Variants in CTNNA3 observed in about 807,000 individuals in gnomAD.
CTNNA3 encodes catenin alpha-3.
A neutral mutation model predicts 95.7 loss-of-function variants in CTNNA3; 76 were observed. That is an observed-to-expected ratio of 0.79 (90% CI 0.66 to 0.96). The LOEUF is 0.96. Among genes scored for constraint, CTNNA3 ranks in the 40% least tolerant of loss-of-function variants. The pLI is 0.00. For missense variants in CTNNA3, 1,191 were observed against 1,089.8 expected (o/e 1.09, Z -1.31); for synonymous variants, 431 against 374.4 (o/e 1.15, Z -1.74).
At chr10:67,009,645 A>G (rs1852203621) in intron 7 of CTNNA3, among the ~76,000 whole-genome samples, 1 of 151,836 alleles carries the variant, frequency 6.6e-6, no homozygotes, top group African/African-American at 2.4e-5. Context: ...ATTTTTTTAT[A>G]CAGCTCTTTG....
intron 15 of CTNNA3, among the ~76,000 whole-genome samples, chr10:66,041,002 A>G (rs2079675381): frequency 6.6e-6 from 1 of 152,200 alleles, no homozygotes; most frequent in South Asian, 2.1e-4. Context: ...GAAAAAGTGT[A>G]ACTTTACAGG....
Position 66,035,029 on chromosome 10 carries a change from T to A in CTNNA3, c.2159+34279A>T, listed in dbSNP as rs150431759. Among the ~76,000 whole-genome samples, 1,342 of 152,278 alleles carry A rather than the reference T, an allele frequency of 8.8e-3. 15 individuals carry two copies. Among genetic ancestry groups the A allele is most frequent in the African/African-American group, 0.03 (1,254 of 41,542 alleles). On this transcript the variant is annotated intron_variant, in intron 15 of 17. Coordinates refer to ENST00000433211, the MANE Select transcript of CTNNA3 (RefSeq NM_013266.4). ...CTCCACATTTGACCAGCGTGCAGTG[T>A]TTGGGGCATTCATTTTTATGTTTGA...
chr10:67,181,830 A>C (rs992570093), intron 6 of CTNNA3, among the ~76,000 whole-genome samples: 2 of 151,886 alleles, frequency 1.3e-5, no homozygotes, highest in Non-Finnish European at 2.9e-5. Flanking sequence ...ATATAGTTTT[A>C]AAACATTTTT....
chr10:67,727,601 ATATAT>A (rs1438525740), intron 1 of CTNNA3, among the ~76,000 whole-genome samples: 3 of 129,258 alleles, frequency 2.3e-5, no homozygotes, highest in African/African-American at 5.7e-5. Context: ...ATCATATATC[ATATAT>A]TATATATGCA....
chr10:66,253,880 G>A (rs1026812218), intron 13 of CTNNA3, among the ~76,000 whole-genome samples: 1 of 152,080 alleles, frequency 6.6e-6, no homozygotes, highest in African/African-American at 2.4e-5. Context: ...GGGACTATGC[G>A]GGCAACTATC....
chr10:66,053,420 C>T (rs980485718), intron 15 of CTNNA3, among the ~76,000 whole-genome samples: 1 of 151,834 alleles, frequency 6.6e-6, no homozygotes, highest in African/African-American at 2.4e-5. Context: ...GCATACATGA[C>T]ATATTTTCAT....
chr10:65,996,061 T>G (rs1298873198), intron 15 of CTNNA3, among the ~76,000 whole-genome samples: 2 of 152,148 alleles, frequency 1.3e-5, no homozygotes, highest in African/African-American at 4.8e-5. Flanking sequence ...CACGTGCAAG[T>G]ACACTGTGGG....
chr10:66,600,207 T>C (rs1027199806), intron 10 of CTNNA3, among the ~76,000 whole-genome samples: 3 of 151,892 alleles, frequency 2.0e-5, no homozygotes, highest in Non-Finnish European at 3.0e-5. Context: ...AGAAAAATGG[T>C]TTTTCATGAT....
intron 7 of CTNNA3, among the ~76,000 whole-genome samples, chr10:66,958,308 CAAAAAAAAAA>C (rs35076056): frequency 8.6e-4 from 75 of 86,890 alleles, no homozygotes; most frequent in South Asian, 4.4e-3. Flanking sequence ...TGCTTTCTTG[CAAAAAAAAAA>C]AAAAAAAAAA....
At chr10:66,827,058 T>C (rs1564708005) in intron 7 of CTNNA3, among the ~76,000 whole-genome samples, 1 of 152,156 alleles carries the variant, frequency 6.6e-6, no homozygotes, top group East Asian at 1.9e-4. Flanking sequence ...CAACCTTGGC[T>C]ATGGAGAACT....
In CTNNA3 at chr10:67,533,474, T is replaced by C. The variant is rs546318635; in HGVS notation, c.459+6029A>G. ...CCTATAAAAAATTTATAAACAATGG[T>C]GACAATAGAGCCAAAATACCTTTCC... On this transcript the variant is annotated intron_variant, in intron 4 of 17. Transcript: ENST00000433211. Among the ~76,000 whole-genome samples, 6 of 152,320 alleles carry C rather than the reference T, an allele frequency of 3.9e-5. No individual in the cohort carries two copies. In the South Asian group the frequency reaches 1.2e-3, roughly 32 times the overall value.
chr10:67,459,662 T>C (rs748295363), intron 5 of CTNNA3, among the ~76,000 whole-genome samples: 1 of 152,210 alleles, frequency 6.6e-6, no homozygotes, highest in Admixed American at 6.5e-5. Context: ...ACTTGTCTCA[T>C]GTCATGGAGC....
chr10:66,964,634 G>A (rs541224243), intron 7 of CTNNA3, among the ~76,000 whole-genome samples: 4 of 152,200 alleles, frequency 2.6e-5, no homozygotes, highest in East Asian at 3.9e-4. Flanking sequence ...GATTCACTTC[G>A]GAGGAACTGA....
At chr10:66,991,260 T>G (rs985107591) in intron 7 of CTNNA3, among the ~76,000 whole-genome samples, 7 of 152,174 alleles carry the variant, frequency 4.6e-5, no homozygotes, top group African/African-American at 1.7e-4. Context: ...GGAAGTTATT[T>G]AAATGATCTG....
intron 17 of CTNNA3, among the ~76,000 whole-genome samples, chr10:65,928,998 G>C (rs1487770958): frequency 6.6e-6 from 1 of 151,876 alleles, no homozygotes. Flanking sequence ...TTAACATTAG[G>C]TATATCTCCA....
rs145377425 is a variant in CTNNA3, at chr10:66,844,728, TG to T, written c.1048-69205del. 8.0e-3 allele frequency among the ~76,000 whole-genome samples: 1,215 copies of T among 152,272 alleles called. 25 individuals carry two copies. The highest frequency in any genetic ancestry group is 0.027 in the African/African-American group (1,123 of 41,550). ...TGCTGTTTCTTTTCATTACATTACA[TG>T]ACAGAGTTGATGATTTACAATGCAA... On this transcript the variant is annotated intron_variant, in intron 7 of 17. Transcript: ENST00000433211.
rs1392252298 is a variant in CTNNA3, at chr10:65,920,008, A to G, written c.*322T>C. The G allele has an allele frequency of 3.5e-6, 1 of 287,512 alleles. No individual in the cohort carries two copies. The highest frequency in any genetic ancestry group is 4.8e-5 in the Admixed American group (1 of 20,822). The allele number at this position is 287,512 out of a possible 1,614,324, so 17.8% of individuals were successfully genotyped here. A position where few individuals can be genotyped will look rare whatever the true frequency, so the allele number is the denominator to read the frequency against. On this transcript the variant is annotated 3_prime_UTR_variant, in exon 18 of 18. Coordinates refer to ENST00000433211, the MANE Select transcript of CTNNA3 (RefSeq NM_013266.4). ...AGTGTACATGAAGTATTACAGATAA[A>G]CAGGACTCTCTGGCCTCTCCTGTGT... is the stretch of plus-strand genomic sequence containing the variant.
chr10:66,195,136 G>A (rs2086885181), intron 13 of CTNNA3, among the ~76,000 whole-genome samples: 1 of 151,814 alleles, frequency 6.6e-6, no homozygotes, highest in Non-Finnish European at 1.5e-5. Context: ...CTGATAAATG[G>A]AGCCTACAGA....
In CTNNA3 at chr10:66,995,283, C is replaced by T. The variant is rs532892747; in HGVS notation, c.1047+185034G>A. Among the ~76,000 whole-genome samples the T allele has an allele frequency of 2.6e-5, 4 of 152,254 alleles. No individual in the cohort carries two copies. In the South Asian group the frequency reaches 6.2e-4, roughly 24 times the overall value. ...TGTCACTGAAGACACTTTTTCCTCT[C>T]TGTTACTTCTCATATCAAATTGGTT... On this transcript the variant is annotated intron_variant, in intron 7 of 17. Coordinates refer to ENST00000433211, the MANE Select transcript of CTNNA3 (RefSeq NM_013266.4).
Sources: allele counts gnomAD v4.1 joint callset (sites outside exome capture counted in the v4.1 genomes callset), GRCh38; gene constraint gnomAD v4.1.1; transcripts MANE v1.5; gene names NCBI Gene and HGNC (gene_info 2026-07-23, HGNC 2026-07-21).